Variants in SRGAP2 observed in about 807,000 individuals in gnomAD.
SRGAP2 encodes SLIT-ROBO Rho GTPase activating protein 2.
Under a neutral mutation model 57.2 loss-of-function variants are expected in SRGAP2, and 15 were observed. The ratio of observed to expected loss-of-function variants is 0.26; its 90% CI spans 0.18 to 0.40. SRGAP2 has a LOEUF of 0.40. Ranked by LOEUF, SRGAP2 falls within the 10% of genes least tolerant of loss-of-function variation. The pLI is 1.00. For synonymous variants in SRGAP2, 249 were observed against 248.0 expected, an observed-to-expected ratio of 1.00 and a Z score of -0.04; for missense variants, 520 against 669.6, an observed-to-expected ratio of 0.78 and a Z score of 2.47.
At chr1:206,449,287 T>TTTTTTTG (rs1663043736) in intron 18 of SRGAP2, among the ~76,000 whole-genome samples, 30 of 66,184 alleles carry the variant, frequency 4.5e-4, no homozygotes, top group African/African-American at 7.0e-4. Flanking sequence ...CACTGGATGA[T>TTTTTTTG]TTTTTTTTTT....
chr1:206,380,706 G>T (rs2103054217), intron 4 of SRGAP2, among the ~76,000 whole-genome samples: 1 of 97,020 alleles, frequency 1.0e-5, no homozygotes, highest in South Asian at 4.2e-4. Context: ...TTTTTATAGA[G>T]AACGGAAAAG....
chr1:206,438,313 A>T (rs1188762424), intron 16 of SRGAP2, among the ~76,000 whole-genome samples: 4 of 141,562 alleles, frequency 2.8e-5, no homozygotes, highest in Admixed American at 7.0e-5. Context: ...CCAAGTCAGT[A>T]CTCCTGGCCT....
chr1:206,424,013 G>A (rs151326026), intron 13 of SRGAP2, among the ~76,000 whole-genome samples: 1,825 of 139,504 alleles, frequency 0.013, 19 homozygotes, highest in South Asian at 0.027. Flanking sequence ...GGCTGGTCTC[G>A]AATTCCTGAG....
chr1:206,437,274 C>T (rs998738891), intron 15 of SRGAP2, among the ~76,000 whole-genome samples: 6 of 152,142 alleles, frequency 3.9e-5, no homozygotes, highest in African/African-American at 1.2e-4. Flanking sequence ...TCTTTCACGC[C>T]GATGATCTGC....
intron 2 of SRGAP2, among the ~76,000 whole-genome samples, chr1:206,297,378 GTCT>G (rs1671650041): frequency 4.5e-5 from 2 of 44,540 alleles, no homozygotes; most frequent in Non-Finnish European, 7.0e-5. Flanking sequence ...GTGATAAGAA[GTCT>G]TGGTAAGAGA....
rs1264078737 is a variant in SRGAP2 at position 206,304,434 on chromosome 1, C to T, written c.260+961C>T. ...GTCCAATCTTTTGGTCTCCCTGGGC[C>T]ACATTGGAAGAAGAAGAATTGTCTT... On this transcript the variant is annotated intron_variant, in intron 3 of 22. Transcript: ENST00000573034. 4.3e-5 allele frequency among the ~76,000 whole-genome samples: 6 copies of T among 138,006 alleles called. No homozygotes were observed. The East Asian group carries it at 1.1e-3, about 25-fold the overall frequency. 90.5% of individuals were successfully genotyped at this position (138,006 alleles called of 152,430 possible). A position where few individuals can be genotyped will look rare whatever the true frequency, so the allele number is the denominator to read the frequency against.
At chr1:206,451,299 G>C (rs3860302) in intron 19 of SRGAP2, among the ~76,000 whole-genome samples, 86,714 of 151,612 alleles carry the variant, frequency 0.57, 25,709 homozygotes, top group East Asian at 0.74. Context: ...GCCGAGCAGC[G>C]TGGTGGGCGT....
chr1:206,425,846 C>CTT (rs34299579), intron 13 of SRGAP2, among the ~76,000 whole-genome samples: 9 of 134,342 alleles, frequency 6.7e-5, no homozygotes, highest in African/African-American at 1.1e-4. Flanking sequence ...AACCTCACTT[C>CTT]TTTTTTTTTT....
intron 4 of SRGAP2, among the ~76,000 whole-genome samples, chr1:206,363,388 A>C (rs569950312): frequency 4.8e-4 from 73 of 152,002 alleles, no homozygotes; most frequent in African/African-American, 1.7e-3. Flanking sequence ...AATTCCCCAA[A>C]TGTTAAAATC....
intron 12 of SRGAP2, among the ~76,000 whole-genome samples, chr1:206,420,512 A>G (rs1249941391): frequency 1.3e-5 from 2 of 152,114 alleles, no homozygotes; most frequent in Non-Finnish European, 2.9e-5. Flanking sequence ...GTTTCCTCTT[A>G]TAGAAGACCA....
intron 2 of SRGAP2, among the ~76,000 whole-genome samples, chr1:206,239,006 T>G (rs1668047045): frequency 1.3e-5 from 2 of 152,150 alleles, no homozygotes; most frequent in Non-Finnish European, 2.9e-5. Context: ...GCAGTGTTGA[T>G]GGAAGTAATT....
chr1:206,204,913 C>CCCG (rs1665760986), intron 1 of SRGAP2: 1 of 137,022 alleles, frequency 7.3e-6, no homozygotes, highest in African/African-American at 3.2e-5. Context: ...ATTTGCCCCC[C>CCCG]CCCCCATCAA....
chr1:206,369,555 C>T (rs1654333862), intron 4 of SRGAP2, among the ~76,000 whole-genome samples: 1 of 152,170 alleles, frequency 6.6e-6, no homozygotes, highest in South Asian at 2.1e-4. Flanking sequence ...AACTCAGCAA[C>T]AAAAAGATGA....
chr1:206,291,850 T>G (rs1671343095), intron 2 of SRGAP2, among the ~76,000 whole-genome samples: 2 of 148,686 alleles, frequency 1.3e-5, no homozygotes, highest in African/African-American at 5.2e-5. Flanking sequence ...GAAAAATAAA[T>G]GGTTATCTAT....
chr1:206,306,355 A>G (rs1205426012), intron 3 of SRGAP2, among the ~76,000 whole-genome samples: 1 of 151,126 alleles, frequency 6.6e-6, no homozygotes, highest in Non-Finnish European at 1.5e-5. Context: ...TGAGTGTTAC[A>G]GCTCTTAAGG....
intron 3 of SRGAP2, among the ~76,000 whole-genome samples, chr1:206,319,193 C>T (rs1434439875): frequency 1.2e-4 from 17 of 147,718 alleles, no homozygotes; most frequent in Non-Finnish European, 1.6e-4. Flanking sequence ...GGGCGGATCA[C>T]GAGGTCAGGA....
intron 3 of SRGAP2, among the ~76,000 whole-genome samples, chr1:206,334,909 CATCTT>C (rs1674661479): frequency 6.6e-6 from 1 of 150,582 alleles, no homozygotes; most frequent in South Asian, 2.1e-4. Flanking sequence ...CTTCTGGTGA[CATCTT>C]AATTAACTAG....
intron 3 of SRGAP2, among the ~76,000 whole-genome samples, chr1:206,305,498 G>T (rs1486105214): frequency 1.3e-5 from 2 of 152,264 alleles, no homozygotes. Context: ...AAGGAAGAAA[G>T]TTCTCCATCT....
In SRGAP2 at chr1:206,409,837, G is replaced by A. The variant is rs375752688; in HGVS notation, c.1356+3263G>A. Among the ~76,000 whole-genome samples the A allele has an allele frequency of 7.3e-5, 11 of 151,230 alleles. No individual in the cohort carries two copies. In the East Asian group the frequency reaches 9.7e-4, roughly 13 times the overall value. On this transcript the variant is annotated intron_variant, in intron 10 of 22. Transcript: ENST00000573034. The stretch of plus-strand genomic sequence containing the variant: ...AAATCTGCTGGGCGTGGTGGCTCAC[G>A]CCTGTAATCCCAGCACTTTGGGAGG...
Sources: gnomAD v4.1 joint callset for allele counts (sites outside exome capture counted in the v4.1 genomes callset) on GRCh38, gnomAD v4.1.1 for gene constraint, MANE v1.5 for transcripts, NCBI Gene and HGNC (gene_info 2026-07-23, HGNC 2026-07-21) for gene names.